Variants in PKP1 observed in about 807,000 individuals in gnomAD.
PKP1 encodes the protein plakophilin-1.
In PKP1, 27 loss-of-function variants were observed where a neutral mutation model predicts 76.4. The observed-to-expected ratio is 0.35, with a 90% CI of 0.26 to 0.49. PKP1 has a LOEUF of 0.49. Ranked by LOEUF, PKP1 falls within the 20% of genes least tolerant of loss-of-function variation. The probability of loss-of-function intolerance (pLI) is 0.99; values close to 1 mark genes in which losing one functional copy is unlikely to be tolerated. For synonymous variants in PKP1, 404 were observed against 384.2 expected, an observed-to-expected ratio of 1.05 and a Z score of -0.60; for missense variants, 964 against 955.2, an observed-to-expected ratio of 1.01 and a Z score of -0.12.
chr1:201,288,823 T>TTGTGGCATGC (rs1655814704), intron 1 of PKP1, among the ~76,000 whole-genome samples: 1 of 151,940 alleles, frequency 6.6e-6, no homozygotes. Flanking sequence ...CATGAACAGA[T>TTGTGGCATGC]CTGCTGAAAG....
intron 8 of PKP1, 35 bp downstream of exon 8, chr1:201,322,168 A>G (rs755719841): frequency 1.2e-6 from 2 of 1,601,880 alleles, no homozygotes; most frequent in Admixed American, 3.3e-5. Context: ...GGCCTGCCCC[A>G]TCAAGCACCC....
At chr1:201,299,636 C>T (rs1656167782) in intron 2 of PKP1, among the ~76,000 whole-genome samples, 1 of 152,200 alleles carries the variant, frequency 6.6e-6, no homozygotes, top group South Asian at 2.1e-4. Flanking sequence ...TTCAAGCCTA[C>T]AGATGGATAA....
chr1:201,320,628 C>A (rs994618469), intron 7 of PKP1, among the ~76,000 whole-genome samples: 1 of 152,212 alleles, frequency 6.6e-6, no homozygotes, highest in Non-Finnish European at 1.5e-5. Flanking sequence ...CTCTGTTTCC[C>A]GGTTCACTCT....
At chr1:201,304,029 C>T (rs1484258305) in intron 2 of PKP1, among the ~76,000 whole-genome samples, 1 of 152,200 alleles carries the variant, frequency 6.6e-6, no homozygotes, top group Non-Finnish European at 1.5e-5. Flanking sequence ...CTGGACTCAC[C>T]AGGGTCTGCT....
chr1:201,285,417 C>G (rs550700159), intron 1 of PKP1, among the ~76,000 whole-genome samples: 4 of 152,260 alleles, frequency 2.6e-5, no homozygotes, highest in Admixed American at 2.6e-4. Flanking sequence ...TCTGTGTGCT[C>G]TTTGCCTTTG....
At chr1:201,296,546 A>G (rs1656079616) in intron 2 of PKP1, among the ~76,000 whole-genome samples, 1 of 152,204 alleles carries the variant, frequency 6.6e-6, no homozygotes, top group Non-Finnish European at 1.5e-5. Flanking sequence ...CAGATACTTT[A>G]TATTCACTCG....
rs767657184 is a variant in PKP1, at chr1:201,283,888, G to A, written c.186G>A (p.Leu62=). The change falls in exon 1 of 14, where the codon CTG becomes CTA. Residue 62 remains leucine, a synonymous_variant. Coordinates refer to ENST00000367324, the MANE Select transcript of PKP1 (RefSeq NM_001005337.3). ...QKSKSSQSST[L]SHSNRGSMYD... Reference sequence around the variant, plus strand: ...CCAAGTCTTCCCAGTCGTCCACCCTGAGCCACTCCAATCGAGGTAAAGGCT... The same window carrying A: ...CCAAGTCTTCCCAGTCGTCCACCCTAAGCCACTCCAATCGAGGTAAAGGCT... 11 of 1,613,986 alleles carry A rather than the reference G, an allele frequency of 6.8e-6. No individual in the cohort carries two copies. The Middle Eastern group carries it at 4.9e-4, about 72-fold the overall frequency.
chr1:201,316,133 CGGACGGATGGACGGACGGATGGAT>C (rs371488457), intron 3 of PKP1: 23,021 of 92,828 alleles, frequency 0.25, 2,276 homozygotes, highest in South Asian at 0.38. Context: ...GACGGACGGA[CGGACGGATGGACGGACGGATGGAT>C]GGATGGATGG....
intron 1 of PKP1, among the ~76,000 whole-genome samples, chr1:201,289,432 G>C (rs1215456370): frequency 1.3e-5 from 2 of 152,224 alleles, no homozygotes; most frequent in African/African-American, 4.8e-5. Context: ...AAGGGAGACA[G>C]AGTAAGCAAG....
intron 10 of PKP1, 148 bp from the exon 11 acceptor site, chr1:201,324,793 C>T: frequency 2.0e-6 from 2 of 999,710 alleles, no homozygotes; most frequent in Non-Finnish European, 3.1e-6. Flanking sequence ...GTCTCTGAGC[C>T]CTGAGTTGGA....
chr1:201,303,030 G>A (rs1267560182), intron 2 of PKP1, among the ~76,000 whole-genome samples: 4 of 152,222 alleles, frequency 2.6e-5, no homozygotes, highest in Non-Finnish European at 2.9e-5. Context: ...TGGTCACACT[G>A]GCACATCATG....
intron 12 of PKP1, 135 bp downstream of exon 12, chr1:201,325,973 C>T (rs1657116133): frequency 7.2e-6 from 5 of 692,286 alleles, no homozygotes; most frequent in South Asian, 3.1e-5. Context: ...ACAAAGACAG[C>T]GTCTACGTGA....
intron 4 of PKP1, 53 bp from the exon 5 acceptor site, chr1:201,317,519 T>C: frequency 6.9e-7 from 1 of 1,458,652 alleles, no homozygotes. Context: ...AGAGAATAAC[T>C]AGATCAGCCT....
chr1:201,306,012 T>C (rs114969598), intron 2 of PKP1, among the ~76,000 whole-genome samples: 5,540 of 152,222 alleles, frequency 0.036, 303 homozygotes, highest in African/African-American at 0.12. Context: ...CCAGTGGTCC[T>C]CCACCACTCG....
intron 1 of PKP1, among the ~76,000 whole-genome samples, chr1:201,285,164 G>A (rs755355649): frequency 5.9e-5 from 9 of 151,812 alleles, no homozygotes; most frequent in Non-Finnish European, 1.3e-4. Flanking sequence ...GAGAGAGTGA[G>A]GGGCAGGGGG....
intron 13 of PKP1, among the ~76,000 whole-genome samples, chr1:201,329,549 A>T (rs1366272350): frequency 6.6e-6 from 1 of 152,212 alleles, no homozygotes; most frequent in Non-Finnish European, 1.5e-5. Context: ...CTCCAGCCAG[A>T]TGTCATCACC....
chr1:201,318,489 G>A (rs1217065608), intron 5 of PKP1, 129 bp from the exon 6 acceptor site: 1 of 772,686 alleles, frequency 1.3e-6, no homozygotes, highest in Non-Finnish European at 2.2e-6. Flanking sequence ...AGGTTCTACA[G>A]ACCAGGGCTA....
At chr1:201,325,663 AGG>A in intron 11 of PKP1, 89 bp from the exon 12 acceptor site, 3 of 966,962 alleles carry the variant, frequency 3.1e-6, no homozygotes, top group Non-Finnish European at 5.0e-6. Context: ...CCCTGTGTCC[AGG>A]CCCTGGCAGT....
chr1:201,319,208 G>T (rs1032576378), intron 6 of PKP1, among the ~76,000 whole-genome samples: 1 of 152,204 alleles, frequency 6.6e-6, no homozygotes, highest in African/African-American at 2.4e-5. Flanking sequence ...AAAACCATTT[G>T]CCATGTTCAT....
Sources: allele counts gnomAD v4.1 joint callset (sites outside exome capture counted in the v4.1 genomes callset), GRCh38; gene constraint gnomAD v4.1.1; transcripts MANE v1.5; gene names NCBI Gene and HGNC (gene_info 2026-07-23, HGNC 2026-07-21).